Variants in PHF20L1 observed in about 807,000 individuals in gnomAD.
The protein encoded by PHF20L1 is PHD finger protein 20-like protein 1.
Under a neutral mutation model 125.5 loss-of-function variants are expected in PHF20L1, and 44 were observed. The ratio of observed to expected loss-of-function variants is 0.35; its 90% CI spans 0.28 to 0.45. The LOEUF is 0.45. PHF20L1 is among the 20% of genes least tolerant of loss of function. The probability of loss-of-function intolerance (pLI) is 1.00; values close to 1 mark genes in which losing one functional copy is unlikely to be tolerated. For synonymous variants in PHF20L1, 380 were observed against 403.1 expected (o/e 0.94, Z 0.69); for missense variants, 1,012 against 1,217.2 (o/e 0.83, Z 2.51).
chr8:132,783,302 T>G (rs1046983669), intron 2 of PHF20L1, among the ~76,000 whole-genome samples: 2 of 152,184 alleles, frequency 1.3e-5, no homozygotes, highest in Non-Finnish European at 2.9e-5. Flanking sequence ...AAATTTGAAT[T>G]GGCAAATGCT....
At chr8:132,805,371 G>A (rs1007994841) in intron 8 of PHF20L1, among the ~76,000 whole-genome samples, 16 of 151,828 alleles carry the variant, frequency 1.1e-4, no homozygotes, top group African/African-American at 3.9e-4. Context: ...AGCCTGGTTC[G>A]TGTTCATGGA....
intron 1 of PHF20L1, among the ~76,000 whole-genome samples, chr8:132,776,962 G>T (rs948222582): frequency 6.6e-6 from 1 of 152,012 alleles, no homozygotes; most frequent in Admixed American, 6.5e-5. Flanking sequence ...TGGCCACTGT[G>T]GCCCAAAATA....
intron 9 of PHF20L1, chr8:132,813,070 A>G (rs1263216134): frequency 4.2e-6 from 4 of 954,028 alleles, no homozygotes; most frequent in African/African-American, 1.8e-5. Context: ...GAAGTTAAGC[A>G]CCTTATCAAG....
At position 132,842,878 on chromosome 8, in the gene PHF20L1, A is replaced by G; in HGVS notation, c.2748+3A>G. The G allele has an allele frequency of 6.3e-7, 1 of 1,589,870 alleles. No homozygotes were observed. Among genetic ancestry groups the G allele is most frequent in the Non-Finnish European group, 8.6e-7 (1 of 1,168,658 alleles). On this transcript the variant is annotated splice_donor_region_variant and intron_variant, in intron 19 of 20. Transcript: ENST00000395386. The stretch of plus-strand genomic sequence containing the variant: ...AAGAACATGGAATGCCTGAAAAGGT[A>G]AAACTAGTTCATTTTTCTTTGCTTG...
chr8:132,800,508 G>C (rs531354619), intron 6 of PHF20L1, among the ~76,000 whole-genome samples: 29 of 151,430 alleles, frequency 1.9e-4, no homozygotes, highest in Non-Finnish European at 3.3e-4. Context: ...CAAAGCTAAG[G>C]GGGGCCTATC....
chr8:132,785,891 A>C (rs898636311), intron 2 of PHF20L1, among the ~76,000 whole-genome samples: 3 of 152,136 alleles, frequency 2.0e-5, no homozygotes, highest in Non-Finnish European at 4.4e-5. Flanking sequence ...TAAGCTACTT[A>C]TATGAAATGG....
chr8:132,828,747 C>T (rs572589532), intron 14 of PHF20L1, among the ~76,000 whole-genome samples: 3 of 152,102 alleles, frequency 2.0e-5, no homozygotes, highest in Non-Finnish European at 4.4e-5. Context: ...AGCTTTGTTA[C>T]TTTGAGCAAA....
chr8:132,802,166 G>A (rs1245472203), intron 6 of PHF20L1, among the ~76,000 whole-genome samples: 1 of 145,566 alleles, frequency 6.9e-6, no homozygotes, highest in South Asian at 2.2e-4. Context: ...TTCATTGATG[G>A]TGCTTTCTTT....
At chr8:132,834,539 G>A (rs1293189941) in intron 15 of PHF20L1, among the ~76,000 whole-genome samples, 1 of 151,964 alleles carries the variant, frequency 6.6e-6, no homozygotes, top group Non-Finnish European at 1.5e-5. Context: ...TTGCTTTGTT[G>A]TACAGGCTGG....
chr8:132,840,030 A>G (rs1837771808), intron 18 of PHF20L1, among the ~76,000 whole-genome samples: 3 of 152,124 alleles, frequency 2.0e-5, no homozygotes. Context: ...TCTGCTGTGC[A>G]CCAAATATGT....
intron 2 of PHF20L1, among the ~76,000 whole-genome samples, chr8:132,790,695 A>C (rs192657583): frequency 6.6e-6 from 1 of 152,182 alleles, no homozygotes; most frequent in South Asian, 2.1e-4. Flanking sequence ...GAAATCCTCC[A>C]TGGCTGCTTG....
At chr8:132,845,308 A>G (rs900419362) in intron 20 of PHF20L1, among the ~76,000 whole-genome samples, 2 of 152,060 alleles carry the variant, frequency 1.3e-5, no homozygotes, top group Non-Finnish European at 2.9e-5. Flanking sequence ...AGAAATTGCT[A>G]CTTCCTTTTC....
intron 6 of PHF20L1, 142 bp downstream of exon 6, chr8:132,799,314 C>T: frequency 1.8e-6 from 1 of 559,310 alleles, no homozygotes; most frequent in Non-Finnish European, 3.1e-6. Context: ...CATTCATCTT[C>T]CTTTAAAAGG....
chr8:132,775,819 C>T (rs906937634), intron 1 of PHF20L1, among the ~76,000 whole-genome samples, 174 bp downstream of exon 1: 6 of 152,156 alleles, frequency 3.9e-5, no homozygotes, highest in African/African-American at 1.4e-4. Context: ...CCTTCCTTAC[C>T]CCCCTGCGGA....
chr8:132,798,967 G>A, intron 5 of PHF20L1, 107 bp downstream of exon 5: 1 of 1,043,308 alleles, frequency 9.6e-7, no homozygotes, highest in Non-Finnish European at 1.4e-6. Context: ...TAATTGTAGG[G>A]TTATGTGCTG....
intron 17 of PHF20L1, chr8:132,838,471 C>T (rs1356552962): frequency 6.6e-6 from 1 of 152,352 alleles, no homozygotes; most frequent in African/African-American, 2.4e-5. Flanking sequence ...ACTCTCAATC[C>T]ACCATGCTGT....
chr8:132,843,764 G>A (rs998463200), intron 19 of PHF20L1: 6 of 984,916 alleles, frequency 6.1e-6, no homozygotes, highest in Non-Finnish European at 7.2e-6. Context: ...CTTTGGAAAC[G>A]CTCTTGATTT....
rs1044015204 is a variant in PHF20L1 at position 132,826,500 on chromosome 8, A to G, written c.1744+1129A>G. On this transcript the variant is annotated intron_variant, in intron 14 of 20. Coordinates refer to ENST00000395386, the MANE Select transcript of PHF20L1 (RefSeq NM_016018.5). ...CAAAAGTCATGCATTCCTTCAGTGG[A>G]ATAAATAAATGAATTACAGCTACAG... 2.6e-5 allele frequency: 4 copies of G among 152,136 alleles called. No individual in the cohort carries two copies. The East Asian group carries it at 7.7e-4, about 29-fold the overall frequency. The allele number at this position is 152,136 out of a possible 1,614,324, so 9.4% of individuals were successfully genotyped here.
intron 14 of PHF20L1, among the ~76,000 whole-genome samples, chr8:132,827,778 AT>A (rs1400400452): frequency 6.6e-6 from 1 of 152,042 alleles, no homozygotes; most frequent in Non-Finnish European, 1.5e-5. Flanking sequence ...ATATATTTTT[AT>A]TTTTTAATGA....
Sources: allele counts gnomAD v4.1 joint callset (sites outside exome capture counted in the v4.1 genomes callset), GRCh38; gene constraint gnomAD v4.1.1; transcripts MANE v1.5; gene names NCBI Gene and HGNC (gene_info 2026-07-23, HGNC 2026-07-21).